Variants in SUGCT observed in about 807,000 individuals in gnomAD.
SUGCT encodes succinyl-CoA:glutarate-CoA transferase.
In SUGCT, 41 loss-of-function variants were observed where a neutral mutation model predicts 55.0. The ratio of observed to expected loss-of-function variants is 0.74; its 90% CI spans 0.58 to 0.97. SUGCT has a LOEUF of 0.97. Ranked by LOEUF, SUGCT falls within the 50% of genes least tolerant of loss-of-function variation. The pLI, the probability that SUGCT is intolerant of heterozygous loss-of-function variation, is 0.00. For synonymous variants in SUGCT, 187 were observed against 200.4 expected (o/e 0.93, Z 0.56); for missense variants, 568 against 547.8 (o/e 1.04, Z -0.37).
chr7:40,649,825 C>G (rs1035292738), intron 12 of SUGCT, among the ~76,000 whole-genome samples: 1 of 152,178 alleles, frequency 6.6e-6, no homozygotes, highest in African/African-American at 2.4e-5. Context: ...GAGTCACTTA[C>G]TATTTTCTTA....
chr7:40,231,686 T>C (rs1221081932), intron 6 of SUGCT, among the ~76,000 whole-genome samples: 6 of 152,156 alleles, frequency 3.9e-5, no homozygotes, highest in Non-Finnish European at 8.8e-5. Flanking sequence ...GAGTAGGTAG[T>C]AACCAAGCCA....
chr7:40,864,591 G>A (rs373124158), downstream of SUGCT, among the ~76,000 whole-genome samples: 4 of 152,140 alleles, frequency 2.6e-5, no homozygotes, highest in Non-Finnish European at 5.9e-5. Flanking sequence ...ACTTTAGGAG[G>A]TTAAAGTATT....
chr7:40,490,151 C>T (rs1791602327), intron 11 of SUGCT, among the ~76,000 whole-genome samples: 1 of 152,188 alleles, frequency 6.6e-6, no homozygotes, highest in Non-Finnish European at 1.5e-5. Flanking sequence ...TCAATGAGAG[C>T]ACCAGCTTTG....
At chr7:40,296,216 G>A (rs1279610040) in intron 8 of SUGCT, among the ~76,000 whole-genome samples, 1 of 152,178 alleles carries the variant, frequency 6.6e-6, no homozygotes, top group East Asian at 1.9e-4. Flanking sequence ...ATAAAAGATA[G>A]GTTATTACTT....
At chr7:40,201,950 A>G (rs1050335917) in intron 6 of SUGCT, among the ~76,000 whole-genome samples, 14 of 152,028 alleles carry the variant, frequency 9.2e-5, no homozygotes, top group Admixed American at 7.9e-4. Context: ...GGCAAGTCCT[A>G]TAGATTTTTT....
chr7:40,235,267 T>C (rs1788948131), intron 6 of SUGCT, among the ~76,000 whole-genome samples: 1 of 152,212 alleles, frequency 6.6e-6, no homozygotes, highest in Admixed American at 6.5e-5. Context: ...AATTGGTGAT[T>C]ATCACTCACT....
intron 9 of SUGCT, among the ~76,000 whole-genome samples, chr7:40,319,924 G>C (rs2151118153): frequency 6.6e-6 from 1 of 152,094 alleles, no homozygotes; most frequent in African/African-American, 2.4e-5. Flanking sequence ...CTGGGCTCAA[G>C]TGTTCCTAGT....
intron 2 of SUGCT, 27 bp from the exon 3 acceptor site, chr7:40,181,928 A>G (rs1785235884): frequency 7.2e-7 from 1 of 1,388,316 alleles, no homozygotes; most frequent in Non-Finnish European, 1.0e-6. Flanking sequence ...ATGGTAATTA[A>G]TTTATTTATC....
At chr7:40,174,629 C>T (rs1784835444) in intron 1 of SUGCT, among the ~76,000 whole-genome samples, 1 of 152,078 alleles carries the variant, frequency 6.6e-6, no homozygotes, top group African/African-American at 2.4e-5. Flanking sequence ...GCAACAAAGC[C>T]CAGACCTTGT....
chr7:40,324,252 A>ATATATCT (rs1554311560), intron 9 of SUGCT, among the ~76,000 whole-genome samples: 1 of 117,650 alleles, frequency 8.5e-6, no homozygotes, highest in African/African-American at 3.6e-5. Flanking sequence ...TAAATAAATA[A>ATATATCT]ATATATATAT....
At chr7:40,219,652 A>G (rs1216471574) in intron 6 of SUGCT, among the ~76,000 whole-genome samples, 4 of 152,144 alleles carry the variant, frequency 2.6e-5, no homozygotes. Context: ...AGGTATGCCA[A>G]TCACGGGGGT....
intron 12 of SUGCT, among the ~76,000 whole-genome samples, chr7:40,569,167 AAG>A (rs1413548255): frequency 1.3e-5 from 2 of 152,156 alleles, no homozygotes; most frequent in African/African-American, 4.8e-5. Context: ...AATATGAATT[AAG>A]GGGGATGAGA....
chr7:40,980,375 A>G, the SUGCT span, among the ~76,000 whole-genome samples: 1 of 152,286 alleles, frequency 6.6e-6, no homozygotes, highest in South Asian at 2.1e-4. Context: ...TGCCCCCCCA[A>G]ATTCATGCCC....
At chr7:40,549,202 T>TA (rs1275553965) in intron 12 of SUGCT, among the ~76,000 whole-genome samples, 39 of 152,344 alleles carry the variant, frequency 2.6e-4, no homozygotes, top group African/African-American at 8.9e-4. Context: ...ATTTCTGGTA[T>TA]AAGAGGCTTC....
intron 12 of SUGCT, among the ~76,000 whole-genome samples, chr7:40,731,694 G>T (rs1786896860): frequency 6.6e-6 from 1 of 152,176 alleles, no homozygotes; most frequent in Admixed American, 6.5e-5. Flanking sequence ...TAAATTTGGT[G>T]TGAAAACAGT....
the SUGCT span, among the ~76,000 whole-genome samples, chr7:40,998,116 C>A: frequency 6.6e-6 from 1 of 152,144 alleles, no homozygotes; most frequent in East Asian, 1.9e-4. Flanking sequence ...CCTGTAATCC[C>A]AGCACTCTGA....
chr7:40,589,300 G>C (rs1400176570), intron 12 of SUGCT, among the ~76,000 whole-genome samples: 1 of 152,020 alleles, frequency 6.6e-6, no homozygotes, highest in Non-Finnish European at 1.5e-5. Context: ...ATGAGACTGG[G>C]TAATTTATAA....
chr7:40,192,888 C>T (rs1198367517), intron 5 of SUGCT, among the ~76,000 whole-genome samples: 2 of 151,696 alleles, frequency 1.3e-5, no homozygotes, highest in African/African-American at 4.8e-5. Flanking sequence ...CTGCCTCAGC[C>T]TCCCAAAGAG....
the SUGCT span, among the ~76,000 whole-genome samples, chr7:41,007,593 T>C: frequency 6.6e-6 from 1 of 152,168 alleles, no homozygotes; most frequent in East Asian, 1.9e-4. Context: ...GCCAGATAGA[T>C]TCCCTTGCAA....
Sources: allele counts gnomAD v4.1 joint callset (sites outside exome capture counted in the v4.1 genomes callset), GRCh38; gene constraint gnomAD v4.1.1; transcripts MANE v1.5; gene names NCBI Gene and HGNC (gene_info 2026-07-23, HGNC 2026-07-21).